The following NIPA1 variants were observed in gnomAD, a reference collection of about 807,000 sequenced individuals.
NIPA1 encodes magnesium transporter NIPA1.
In NIPA1, 13 loss-of-function variants were observed where a neutral mutation model predicts 23.9. The ratio of observed to expected loss-of-function variants is 0.54; its 90% CI spans 0.35 to 0.87. The LOEUF (loss-of-function observed/expected upper bound fraction) is 0.87. NIPA1 is among the 40% of genes least tolerant of loss of function. The probability of loss-of-function intolerance (pLI) is 0.01; values close to 1 mark genes in which losing one functional copy is unlikely to be tolerated. For synonymous variants in NIPA1, 234 were observed against 202.9 expected (o/e 1.15, Z -1.30); for missense variants, 362 against 429.7 (o/e 0.84, Z 1.39).
chr15:22,808,759 T>C (rs1442880717), intron 1 of NIPA1, among the ~76,000 whole-genome samples: 1 of 147,428 alleles, frequency 6.8e-6, no homozygotes, highest in Non-Finnish European at 1.5e-5. Flanking sequence ...AGCCTCATCC[T>C]CCTGGGCTCA....
At chr15:22,810,679 G>A in intron 1 of NIPA1, 70 bp from the exon 2 acceptor site, 1 of 908,642 alleles carries the variant, frequency 1.1e-6, no homozygotes, top group Non-Finnish European at 1.9e-6. Context: ...TTTCTCGCTT[G>A]TAAACCTCTT....
At chr15:22,802,093 T>C (rs1252993923) in intron 1 of NIPA1, among the ~76,000 whole-genome samples, 1 of 152,054 alleles carries the variant, frequency 6.6e-6, no homozygotes, top group African/African-American at 2.4e-5. Context: ...ACTTAACTTT[T>C]TAAATTAAAA....
rs1895697965 is a variant in NIPA1, at chr15:22,828,726, G to A, written c.*4487G>A. 1 of 152,576 alleles carries A rather than the reference G, an allele frequency of 6.6e-6. No individual in the cohort carries two copies. The highest frequency in any genetic ancestry group is 6.6e-5 in the Admixed American group (1 of 15,264). 9.5% of individuals were successfully genotyped at this position (152,576 alleles called of 1,614,324 possible). ...TAAAAAGCAGAATCCAGGGCCCAGA[G>A]CATGAGCCAGGGAGGAGGATGTTTT... is the stretch of plus-strand genomic sequence containing the variant. On this transcript the variant is annotated 3_prime_UTR_variant, in exon 5 of 5. Coordinates refer to ENST00000337435, the MANE Select transcript of NIPA1 (RefSeq NM_144599.5).
intron 1 of NIPA1, among the ~76,000 whole-genome samples, chr15:22,796,216 A>G (rs898956245): frequency 6.6e-6 from 1 of 151,886 alleles, no homozygotes; most frequent in Admixed American, 6.6e-5. Flanking sequence ...GCCACCATGC[A>G]TGGCCCCAGA....
intron 3 of NIPA1, among the ~76,000 whole-genome samples, chr15:22,820,049 T>C (rs1015870587): frequency 2.0e-5 from 3 of 151,976 alleles, no homozygotes; most frequent in African/African-American, 7.3e-5. Context: ...TTTAAAAAAT[T>C]AGCTGGGTGT....
At chr15:22,799,029 A>G (rs1013642197) in intron 1 of NIPA1, among the ~76,000 whole-genome samples, 2 of 152,038 alleles carry the variant, frequency 1.3e-5, no homozygotes, top group Admixed American at 1.3e-4. Context: ...AGATTTTTCA[A>G]AGAACTAAAA....
chr15:22,826,459 A>C lies in NIPA1; in HGVS notation c.*2220A>C, dbSNP rs933285666. ...GTATCAATATACTTTTGGGCATAAA[A>C]ATAGTTTCCTAGGTAAGGGGTGTGA... On this transcript the variant is annotated 3_prime_UTR_variant, in exon 5 of 5. Transcript: ENST00000337435. 6.6e-6 allele frequency: 1 copy of C among 152,226 alleles called. No individual in the cohort carries two copies. The highest frequency in any genetic ancestry group is 1.9e-4 in the East Asian group (1 of 5,204). The allele number at this position is 152,226 out of a possible 1,614,324, so 9.4% of individuals were successfully genotyped here. A position where few individuals can be genotyped will look rare whatever the true frequency, so the allele number is the denominator to read the frequency against.
At position 22,806,136 on chromosome 15, in the gene NIPA1, G is replaced by A. The variant is rs901105890; in HGVS notation, c.179-4613G>A. 2.2e-4 allele frequency among the ~76,000 whole-genome samples: 34 copies of A among 152,292 alleles called. No individual in the cohort carries two copies. The East Asian group carries it at 3.1e-3, about 14-fold the overall frequency. On this transcript the variant is annotated intron_variant, in intron 1 of 4. Transcript: ENST00000337435. ...GACGGGGTTTCACCGTGTTAGCCAG[G>A]ATGGTCTTGATCTCCTGACCTTGTG...
intron 1 of NIPA1, among the ~76,000 whole-genome samples, chr15:22,809,387 A>AAAAAAAGGAAAAGG (rs1895275300): frequency 6.6e-6 from 1 of 152,038 alleles, no homozygotes; most frequent in South Asian, 2.1e-4. Flanking sequence ...ACTCCATCTC[A>AAAAAAAGGAAAAGG]AAAAAAGGAA....
chr15:22,792,929 C>T lies in NIPA1; in HGVS notation c.178+6095C>T, dbSNP rs561344870. Among the ~76,000 whole-genome samples the T allele has an allele frequency of 4.6e-5, 7 of 151,898 alleles. No homozygotes were observed. In the South Asian group the frequency reaches 6.2e-4, roughly 14 times the overall value. On this transcript the variant is annotated intron_variant, in intron 1 of 4. Coordinates refer to ENST00000337435, the MANE Select transcript of NIPA1 (RefSeq NM_144599.5). ...AGATTGCGCCATTGCGCTCCAGCCT[C>T]GGCAACAAGAGCAAAAACTCCATCT...
chr15:22,822,804 G>A (rs928874569), intron 4 of NIPA1, among the ~76,000 whole-genome samples: 4 of 151,306 alleles, frequency 2.6e-5, no homozygotes, highest in Non-Finnish European at 4.4e-5. Flanking sequence ...TCCAGCCTGG[G>A]CAACAAAGAG....
intron 1 of NIPA1, among the ~76,000 whole-genome samples, chr15:22,790,878 C>G (rs1894811158): frequency 6.6e-6 from 1 of 152,176 alleles, no homozygotes; most frequent in Admixed American, 6.5e-5. Context: ...GGGAGATACG[C>G]AAGCACCAGA....
chr15:22,816,690 C>A (rs1031139909), intron 3 of NIPA1, among the ~76,000 whole-genome samples: 10 of 149,804 alleles, frequency 6.7e-5, no homozygotes, highest in Admixed American at 3.3e-4. Context: ...GGGGTTTTGC[C>A]ATGTTGGCTA....
At chr15:22,815,657 T>TA (rs1895401039) in intron 3 of NIPA1, among the ~76,000 whole-genome samples, 1 of 151,060 alleles carries the variant, frequency 6.6e-6, no homozygotes, top group Non-Finnish European at 1.5e-5. Flanking sequence ...TAAAGCTCAT[T>TA]AAAAAAACAA....
rs556526034 is a variant in NIPA1 at position 22,787,975 on chromosome 15, A to C, written c.178+1141A>C. ...CATACAATTTAAATAGAATTAAATA[A>C]AACCAAGTATGATTTTCCAAGGATG... On this transcript the variant is annotated intron_variant, in intron 1 of 4. Coordinates refer to ENST00000337435, the MANE Select transcript of NIPA1 (RefSeq NM_144599.5). 1.4e-4 allele frequency among the ~76,000 whole-genome samples: 21 copies of C among 152,316 alleles called. No homozygotes were observed. In the South Asian group the frequency reaches 3.7e-3, roughly 27 times the overall value.
chr15:22,788,787 C>T (rs898766558), intron 1 of NIPA1, among the ~76,000 whole-genome samples: 1 of 151,074 alleles, frequency 6.6e-6, no homozygotes, highest in African/African-American at 2.4e-5. Context: ...GGTGCAGTGG[C>T]TCACACCTGT....
chr15:22,818,161 G>A lies in NIPA1; in HGVS notation c.318-2152G>A, dbSNP rs8041594. Among the ~76,000 whole-genome samples, 1,254 of 152,216 alleles carry A rather than the reference G, an allele frequency of 8.2e-3. 10 individuals are homozygous for A. Among genetic ancestry groups the A allele is most frequent in the Non-Finnish European group, 0.012 (846 of 68,018 alleles). ...GTTAGAACACATAAAAACTCTTGCC[G>A]GTCGTGGTGGCTCACGCCTGTAATC... On this transcript the variant is annotated intron_variant, in intron 3 of 4. Coordinates refer to ENST00000337435, the MANE Select transcript of NIPA1 (RefSeq NM_144599.5).
intron 3 of NIPA1, among the ~76,000 whole-genome samples, chr15:22,816,526 CTG>C (rs1481114383): frequency 9.4e-6 from 1 of 106,602 alleles, no homozygotes. Context: ...GAGTCTCACT[CTG>C]TCACCCAGGC....
chr15:22,792,487 T>A (rs562605897), intron 1 of NIPA1, among the ~76,000 whole-genome samples: 464 of 151,826 alleles, frequency 3.1e-3, no homozygotes, highest in Non-Finnish European at 5.2e-3. Flanking sequence ...GCCTCCCAAA[T>A]AGCTGGGACT....
Sources: allele counts gnomAD v4.1 joint callset (sites outside exome capture counted in the v4.1 genomes callset), GRCh38; gene constraint gnomAD v4.1.1; transcripts MANE v1.5; gene names NCBI Gene and HGNC (gene_info 2026-07-23, HGNC 2026-07-21).